The following AFF3 variants were observed in gnomAD, a reference collection of about 807,000 sequenced individuals.
The protein encoded by AFF3 is ALF transcription elongation factor 3, also known as AF4/FMR2 family member 3.
A neutral mutation model predicts 129.7 loss-of-function variants in AFF3; 32 were observed. That is an observed-to-expected ratio of 0.25 (90% CI 0.19 to 0.33). AFF3 has a LOEUF of 0.33. Among genes scored for constraint, AFF3 ranks in the 10% least tolerant of loss-of-function variants. The pLI, the probability that AFF3 is intolerant of heterozygous loss-of-function variation, is 1.00. For missense variants in AFF3, 1,373 were observed against 1,592.0 expected, an observed-to-expected ratio of 0.86 and a Z score of 2.34; for synonymous variants, 644 against 635.4, an observed-to-expected ratio of 1.01 and a Z score of -0.20.
At chr2:100,075,161 C>T (rs1276382338) in intron 4 of AFF3, among the ~76,000 whole-genome samples, 1 of 152,106 alleles carries the variant, frequency 6.6e-6, no homozygotes, top group African/African-American at 2.4e-5. Context: ...TTGCAGAAGA[C>T]CCATTTACGG....
chr2:99,617,485 C>A (rs557577044), intron 13 of AFF3, among the ~76,000 whole-genome samples: 16 of 152,246 alleles, frequency 1.1e-4, no homozygotes, highest in Non-Finnish European at 2.1e-4. Context: ...ATCCTTTGGC[C>A]TTTTAAAAAC....
intron 7 of AFF3, among the ~76,000 whole-genome samples, chr2:99,843,316 T>C (rs1558906337): frequency 6.6e-6 from 1 of 152,142 alleles, no homozygotes; most frequent in Non-Finnish European, 1.5e-5. Flanking sequence ...ACCTGTACCA[T>C]CCCCTGTCAG....
At chr2:99,929,542 A>G (rs1576369135) in intron 7 of AFF3, among the ~76,000 whole-genome samples, 1 of 152,234 alleles carries the variant, frequency 6.6e-6, no homozygotes, top group East Asian at 1.9e-4. Flanking sequence ...TTATTAATGA[A>G]TCTAGTTTCT....
chr2:99,944,637 T>A (rs1675384981), intron 7 of AFF3, among the ~76,000 whole-genome samples: 1 of 152,160 alleles, frequency 6.6e-6, no homozygotes, highest in Non-Finnish European at 1.5e-5. Flanking sequence ...TTTGTTTTTT[T>A]AATTCCTTAG....
chr2:99,740,301 G>C (rs1558804039), intron 10 of AFF3, among the ~76,000 whole-genome samples: 1 of 151,062 alleles, frequency 6.6e-6, no homozygotes, highest in Non-Finnish European at 1.5e-5. Context: ...ATAGCAGCAT[G>C]ATTTATAGTC....
At chr2:99,883,233 T>C (rs940361648) in intron 7 of AFF3, among the ~76,000 whole-genome samples, 2 of 152,156 alleles carry the variant, frequency 1.3e-5, no homozygotes, top group Non-Finnish European at 2.9e-5. Context: ...CAATACGATA[T>C]CTTCATAAAA....
At chr2:99,839,623 T>C (rs542957292) in intron 7 of AFF3, among the ~76,000 whole-genome samples, 95 of 151,802 alleles carry the variant, frequency 6.3e-4, no homozygotes, top group African/African-American at 1.8e-3. Flanking sequence ...CTTTCTTTTT[T>C]TTTTTTGAGA....
intron 1 of AFF3, among the ~76,000 whole-genome samples, chr2:100,131,824 A>T (rs1692439772): frequency 6.6e-6 from 1 of 152,184 alleles, no homozygotes; most frequent in Non-Finnish European, 1.5e-5. Context: ...ATGTTTGTTG[A>T]GCACCCACTA....
chr2:99,912,038 G>C (rs1695139915), intron 7 of AFF3, among the ~76,000 whole-genome samples: 1 of 152,178 alleles, frequency 6.6e-6, no homozygotes, highest in Non-Finnish European at 1.5e-5. Context: ...CTCTGAAACA[G>C]GATTCCTTGG....
intron 7 of AFF3, among the ~76,000 whole-genome samples, chr2:99,893,726 G>A (rs982542950): frequency 3.3e-5 from 5 of 152,186 alleles, no homozygotes; most frequent in African/African-American, 1.2e-4. Flanking sequence ...AACTAGAGAA[G>A]AACATCAACT....
At chr2:99,766,645 C>T (rs1267553818) in intron 8 of AFF3, among the ~76,000 whole-genome samples, 1 of 152,100 alleles carries the variant, frequency 6.6e-6, no homozygotes, top group Non-Finnish European at 1.5e-5. Context: ...GTTCATAGAT[C>T]TTCAAGAAAA....
At chr2:99,827,390 A>C (rs573007658) in intron 8 of AFF3, among the ~76,000 whole-genome samples, 25 of 152,290 alleles carry the variant, frequency 1.6e-4, no homozygotes, top group African/African-American at 5.3e-4. Context: ...CACCAAGGGC[A>C]TGAGCATTTT....
intron 13 of AFF3, among the ~76,000 whole-genome samples, chr2:99,614,084 G>A (rs796909759): frequency 5.9e-5 from 9 of 152,310 alleles, no homozygotes; most frequent in African/African-American, 2.2e-4. Context: ...AAAGGTGAGA[G>A]GAGGGACAGG....
At position 99,803,292 on chromosome 2, in the gene AFF3, T is replaced by C. The variant is rs377580902; in HGVS notation, c.921+34185A>G. On this transcript the variant is annotated intron_variant, in intron 8 of 24. Transcript: ENST00000672756. ...ACCATCCCTGCATCCCTAGTGATCATGGTGAATTATCTTTTTGATGTGCTG... is the reference window on the plus strand; with the variant it reads ...ACCATCCCTGCATCCCTAGTGATCACGGTGAATTATCTTTTTGATGTGCTG... Among the ~76,000 whole-genome samples, 47 of 152,310 alleles carry C rather than the reference T, an allele frequency of 3.1e-4. No individual in the cohort carries two copies. In the South Asian group the frequency reaches 9.7e-3, roughly 32 times the overall value.
At chr2:100,000,676 C>G (rs754073499) in intron 7 of AFF3, among the ~76,000 whole-genome samples, 1 of 152,164 alleles carries the variant, frequency 6.6e-6, no homozygotes, top group African/African-American at 2.4e-5. Flanking sequence ...ATATTACATA[C>G]GTCTCATTCA....
chr2:99,638,674 T>C (rs778041843), intron 13 of AFF3, among the ~76,000 whole-genome samples: 2 of 152,092 alleles, frequency 1.3e-5, no homozygotes, highest in African/African-American at 2.4e-5. Context: ...AAAGAGAACA[T>C]GGGATTCCCA....
intron 7 of AFF3, among the ~76,000 whole-genome samples, chr2:99,906,844 TACAC>T (rs56113249): frequency 7.6e-4 from 112 of 146,430 alleles, no homozygotes; most frequent in African/African-American, 1.8e-3. Flanking sequence ...CTATCCATAT[TACAC>T]ACACACACAC....
intron 4 of AFF3, among the ~76,000 whole-genome samples, chr2:100,013,273 A>T (rs935036908): frequency 6.6e-6 from 1 of 152,206 alleles, no homozygotes; most frequent in African/African-American, 2.4e-5. Flanking sequence ...TCTATTCTTG[A>T]TCATACGGTA....
At chr2:99,928,417 T>G (rs1383931421) in intron 7 of AFF3, among the ~76,000 whole-genome samples, 1 of 152,186 alleles carries the variant, frequency 6.6e-6, no homozygotes, top group Non-Finnish European at 1.5e-5. Context: ...TACAAGCTCT[T>G]TGTCCTCACA....
Sources: gnomAD v4.1 joint callset for allele counts (sites outside exome capture counted in the v4.1 genomes callset) on GRCh38, gnomAD v4.1.1 for gene constraint, MANE v1.5 for transcripts, NCBI Gene and HGNC (gene_info 2026-07-23, HGNC 2026-07-21) for gene names.